NRXN3: variants seen among roughly 807,000 people sequenced by gnomAD.
NRXN3 encodes neurexin III.
A neutral mutation model predicts 137.6 loss-of-function variants in NRXN3; 32 were observed. The observed-to-expected ratio is 0.23, with a 90% CI of 0.18 to 0.31. NRXN3 has a LOEUF of 0.31. NRXN3 is among the 10% of genes least tolerant of loss of function. The pLI is 1.00. For missense variants in NRXN3, 1,574 were observed against 2,062.5 expected, an observed-to-expected ratio of 0.76 and a Z score of 4.59; for synonymous variants, 798 against 784.5, an observed-to-expected ratio of 1.02 and a Z score of -0.29.
intron 1 of NRXN3, among the ~76,000 whole-genome samples, chr14:78,172,623 T>A (rs1388234161): frequency 6.6e-6 from 1 of 152,122 alleles, no homozygotes; most frequent in Non-Finnish European, 1.5e-5. Context: ...AGCCTGAGGT[T>A]CATCCTGCGA....
At chr14:78,960,203 A>G (rs2099405384) in intron 11 of NRXN3, among the ~76,000 whole-genome samples, 1 of 152,192 alleles carries the variant, frequency 6.6e-6, no homozygotes, top group African/African-American at 2.4e-5. Flanking sequence ...GATGGAAGAA[A>G]GCAGCCAGAA....
intron 19 of NRXN3, among the ~76,000 whole-genome samples, chr14:79,751,782 G>A (rs1435654718): frequency 6.6e-6 from 1 of 151,754 alleles, no homozygotes; most frequent in African/African-American, 2.4e-5. Flanking sequence ...TTAGCATGAA[G>A]GGCTGTTGAA....
intron 19 of NRXN3, among the ~76,000 whole-genome samples, chr14:79,729,856 A>G (rs546806731): frequency 6.6e-6 from 1 of 152,274 alleles, no homozygotes; most frequent in East Asian, 1.9e-4. Flanking sequence ...CATTTTGTGG[A>G]AAGAGTCAAG....
intron 10 of NRXN3, among the ~76,000 whole-genome samples, chr14:78,911,958 T>G (rs1042316527): frequency 2.0e-5 from 3 of 151,864 alleles, no homozygotes; most frequent in Non-Finnish European, 4.4e-5. Flanking sequence ...TTAGGGTACA[T>G]GTGCACAACG....
At chr14:79,386,828 C>G (rs1360036673) in intron 15 of NRXN3, among the ~76,000 whole-genome samples, 1 of 152,130 alleles carries the variant, frequency 6.6e-6, no homozygotes. Context: ...CTTTGACAAA[C>G]CTGAGAAAAA....
intron 20 of NRXN3, among the ~76,000 whole-genome samples, chr14:79,810,415 A>G (rs192823557): frequency 2.6e-5 from 4 of 152,324 alleles, no homozygotes; most frequent in African/African-American, 7.2e-5. Flanking sequence ...AAACACATCC[A>G]TCCATCAATA....
intron 16 of NRXN3, among the ~76,000 whole-genome samples, chr14:79,645,382 G>A (rs1239595613): frequency 3.0e-5 from 4 of 134,228 alleles, no homozygotes; most frequent in African/African-American, 7.4e-5. Flanking sequence ...TTGGGAGGCC[G>A]AGGTAGGTAG....
At chr14:78,443,042 G>A (rs1225563458) in intron 4 of NRXN3, among the ~76,000 whole-genome samples, 4 of 152,160 alleles carry the variant, frequency 2.6e-5, no homozygotes, top group Admixed American at 6.5e-5. Context: ...TTGGGCCAAC[G>A]CTAAACCATC....
chr14:78,546,497 T>C (rs1475622431), intron 4 of NRXN3, among the ~76,000 whole-genome samples: 1 of 152,254 alleles, frequency 6.6e-6, no homozygotes, highest in Non-Finnish European at 1.5e-5. Context: ...TTTAATGTAG[T>C]TAGATGTCTG....
At chr14:79,819,482 C>CTTTTTTT (rs58492725) in intron 20 of NRXN3, among the ~76,000 whole-genome samples, 7,112 of 71,726 alleles carry the variant, frequency 0.099, 1,459 homozygotes, top group East Asian at 0.32. Flanking sequence ...ACATTAAAAG[C>CTTTTTTT]TTTTTTTTTT....
intron 15 of NRXN3, among the ~76,000 whole-genome samples, chr14:79,060,373 A>G (rs2099672669): frequency 6.6e-6 from 1 of 152,176 alleles, no homozygotes; most frequent in Non-Finnish European, 1.5e-5. Flanking sequence ...TGTCTTCTAT[A>G]CTTATATCTG....
At chr14:78,427,950 T>G (rs934875971) in intron 4 of NRXN3, among the ~76,000 whole-genome samples, 2 of 152,224 alleles carry the variant, frequency 1.3e-5, no homozygotes, top group African/African-American at 2.4e-5. Context: ...CAGGCAGTGC[T>G]TAGGCACCAA....
At chr14:78,653,507 C>T (rs2097762676) in intron 6 of NRXN3, among the ~76,000 whole-genome samples, 1 of 152,060 alleles carries the variant, frequency 6.6e-6, no homozygotes, top group African/African-American at 2.4e-5. Flanking sequence ...TTAGGTCTTG[C>T]CTTTAGGATT....
chr14:78,223,258 AT>A (rs2064071067), intron 1 of NRXN3, among the ~76,000 whole-genome samples: 2 of 152,304 alleles, frequency 1.3e-5, no homozygotes, highest in South Asian at 4.1e-4. Flanking sequence ...TTAATATTCT[AT>A]TGTTCATTGT....
At position 78,742,648 on chromosome 14, in the gene NRXN3, T is replaced by C. The variant is rs137926769; in HGVS notation, c.2044+27509T>C. Among the ~76,000 whole-genome samples, 836 of 152,300 alleles carry C rather than the reference T, an allele frequency of 5.5e-3. 7 individuals carry two copies. Among genetic ancestry groups the C allele is most frequent in the African/African-American group, 0.017 (713 of 41,570 alleles). ...GAAAATCTGGCCAGAGTGTGTCTTGTAGGTTGATCACAAATTCCTAATGTT... is the reference window on the plus strand; with the variant it reads ...GAAAATCTGGCCAGAGTGTGTCTTGCAGGTTGATCACAAATTCCTAATGTT... On this transcript the variant is annotated intron_variant, in intron 8 of 20. Transcript: ENST00000335750.
chr14:78,189,768 T>C (rs747636214), intron 1 of NRXN3, among the ~76,000 whole-genome samples: 2 of 152,164 alleles, frequency 1.3e-5, no homozygotes, highest in Non-Finnish European at 2.9e-5. Flanking sequence ...GTATTTTTAG[T>C]AGAGATGGGA....
chr14:79,024,966 G>A (rs1242095573), intron 15 of NRXN3, among the ~76,000 whole-genome samples: 2 of 152,240 alleles, frequency 1.3e-5, no homozygotes, highest in African/African-American at 4.8e-5. Flanking sequence ...ACTCATAGAG[G>A]CATAAAGTCC....
At chr14:79,783,818 A>T (rs1215254335) in intron 19 of NRXN3, among the ~76,000 whole-genome samples, 1 of 152,134 alleles carries the variant, frequency 6.6e-6, no homozygotes, top group East Asian at 1.9e-4. Context: ...AGTGAATCCT[A>T]ATTCCTCTTC....
Position 79,358,603 on chromosome 14 carries a change from GAAAGAGAAAGAAAGAAAGAA to G in NRXN3, c.3263-108616_3263-108597del, listed in dbSNP as rs1429931008. Among the ~76,000 whole-genome samples, 97 of 87,036 alleles carry G rather than the reference GAAAGAGAAAGAAAGAAAGAA, an allele frequency of 1.1e-3. 2 individuals are homozygous for G. The highest frequency in any genetic ancestry group is 1.6e-3 in the Non-Finnish European group (69 of 42,686). The allele number at this position is 87,036 out of a possible 152,430, so 57.1% of individuals were successfully genotyped here. ...AGAAAGAGAGAAAGAAAGAAAGAAA[GAAAGAGAAAGAAAGAAAGAA>G]AGAAAGAAAGAAAGAAAGAAAGAAA... On this transcript the variant is annotated intron_variant, in intron 15 of 20. Coordinates refer to ENST00000335750, the MANE Select transcript of NRXN3 (RefSeq NM_001330195.2).
Sources: allele counts gnomAD v4.1 joint callset (sites outside exome capture counted in the v4.1 genomes callset), GRCh38; gene constraint gnomAD v4.1.1; transcripts MANE v1.5; gene names NCBI Gene and HGNC (gene_info 2026-07-23, HGNC 2026-07-21).